The following SYPL1 variants were observed in gnomAD, a reference collection of about 807,000 sequenced individuals.
SYPL1 encodes synaptophysin like 1.
In SYPL1, 6 loss-of-function variants were observed where a neutral mutation model predicts 23.7. The observed-to-expected ratio is 0.25, with a 90% CI of 0.14 to 0.50. The LOEUF is 0.50. Among genes scored for constraint, SYPL1 ranks in the 20% least tolerant of loss-of-function variants. SYPL1 has a pLI of 0.98. For missense variants in SYPL1, 253 were observed against 288.9 expected (o/e 0.88, Z 0.90); for synonymous variants, 102 against 104.5 (o/e 0.98, Z 0.15).
rs760354395 is a variant in SYPL1 at position 106,106,551 on chromosome 7, C to CA, written c.69+5588dup. Reference sequence around the variant, plus strand: ...TGGGCGACAGAGTAAGACTCTGTCTCAAAAAAAAAAAAGACTCTGGAGGCT... The same window carrying CA: ...TGGGCGACAGAGTAAGACTCTGTCTCAAAAAAAAAAAAAGACTCTGGAGGCT... On this transcript the variant is annotated intron_variant, in intron 1 of 4. Coordinates refer to ENST00000455385, the MANE Select transcript of SYPL1 (RefSeq NM_182715.4). 7.5e-3 allele frequency among the ~76,000 whole-genome samples: 876 copies of CA among 117,412 alleles called. 4 individuals carry two copies. Among genetic ancestry groups the CA allele is most frequent in the Non-Finnish European group, 0.01 (577 of 55,574 alleles). The allele number at this position is 117,412 out of a possible 152,430, so 77.0% of individuals were successfully genotyped here.
chr7:106,097,712 T>C lies in SYPL1; in HGVS notation c.380A>G (p.Asp127Gly). The C allele has an allele frequency of 6.2e-7, 1 of 1,613,398 alleles. No individual in the cohort carries two copies. Among genetic ancestry groups the C allele is most frequent in the Non-Finnish European group, 8.5e-7 (1 of 1,179,550 alleles). The change falls in exon 3 of 5, where the codon GAT (aspartate) becomes GGT (glycine). Residue 127 changes from aspartate to glycine, a missense_variant. Physicochemically the swap from Asp to Gly is moderately conservative, Grantham distance 94. Transcript: ENST00000455385. This position sits in a 1 kb window ranked among gnomAD's most constrained non-coding sequence, Gnocchi z 4.6. The stretch of plus-strand genomic sequence containing the variant: ...TACTATCATAGGAAGTTTACGACTA[T>C]CCAGATACAGACTCGTGTAGCCAAC... ...LYVGYTSLYL[D>G]SRKLPMIDFV... is the part of the protein sequence containing the mutation.
At chr7:106,110,524 T>C (rs1053916007) in intron 1 of SYPL1, among the ~76,000 whole-genome samples, 2 of 152,238 alleles carry the variant, frequency 1.3e-5, no homozygotes, top group African/African-American at 2.4e-5. Flanking sequence ...TTTATTCATG[T>C]GGTATGCTAG....
Position 106,091,876 on chromosome 7 carries a change from T to C in SYPL1, c.655A>G (p.Ser219Gly). 1 of 1,613,822 alleles carries C rather than the reference T, an allele frequency of 6.2e-7. No individual in the cohort carries two copies. Among genetic ancestry groups the C allele is most frequent in the Admixed American group, 1.7e-5 (1 of 60,002 alleles). The change falls in exon 5 of 5, where the codon AGC (serine) becomes GGC (glycine). Residue 219 changes from serine (S) to glycine (G), a missense_variant. Coordinates refer to ENST00000455385, the MANE Select transcript of SYPL1 (RefSeq NM_182715.4). The surrounding 1 kb of genome is among the most constrained non-coding windows in gnomAD (Gnocchi z 5.0). The stretch of plus-strand genomic sequence containing the variant: ...GATGTATTTGATGGACTGTGTAGGC[T>C]GGTCTCCTTGTACACAAACCAAGCA... ...GNAWFVYKETSLHSPSNTSAP... is the reference protein window; with the variant it reads ...GNAWFVYKETGLHSPSNTSAP...
At chr7:106,105,137 C>T (rs974689631) in intron 1 of SYPL1, among the ~76,000 whole-genome samples, 3 of 152,116 alleles carry the variant, frequency 2.0e-5, no homozygotes, top group African/African-American at 7.2e-5. Context: ...CTTAACAGCC[C>T]TCAGGATGTG....
chr7:106,099,073 C>T (rs1372064019), intron 2 of SYPL1, 85 bp downstream of exon 2: 4 of 1,524,608 alleles, frequency 2.6e-6, no homozygotes, highest in Non-Finnish European at 3.5e-6. Context: ...TTCTACCCCC[C>T]ACAATCAATA....
intron 1 of SYPL1, among the ~76,000 whole-genome samples, chr7:106,099,671 G>A (rs983545505): frequency 7.9e-5 from 12 of 152,102 alleles, no homozygotes; most frequent in African/African-American, 2.7e-4. Flanking sequence ...TGGGATTACA[G>A]GTGTGAGTCA....
chr7:106,104,500 T>C lies in SYPL1; in HGVS notation c.70-5218A>G, dbSNP rs527641166. ...CAAGACTATCACTTCTACTGCTCCTTTGCCAGACTGTCATGTCTTTGCACC... is the reference window on the plus strand; with the variant it reads ...CAAGACTATCACTTCTACTGCTCCTCTGCCAGACTGTCATGTCTTTGCACC... On this transcript the variant is annotated intron_variant, in intron 1 of 4. Coordinates refer to ENST00000455385, the MANE Select transcript of SYPL1 (RefSeq NM_182715.4). The surrounding 1 kb of genome is among the most constrained non-coding windows in gnomAD (Gnocchi z 4.1). 6.6e-6 allele frequency among the ~76,000 whole-genome samples: 1 copy of C among 152,354 alleles called. No homozygotes were observed. Among genetic ancestry groups the C allele is most frequent in the Non-Finnish European group, 1.5e-5 (1 of 68,032 alleles).
intron 1 of SYPL1, among the ~76,000 whole-genome samples, chr7:106,108,013 G>A (rs1210119193): frequency 6.6e-6 from 1 of 151,914 alleles, no homozygotes; most frequent in Non-Finnish European, 1.5e-5. Context: ...TGGCCAGCAT[G>A]GTGAAACCCC....
chr7:106,102,299 T>C (rs1357607720), intron 1 of SYPL1, among the ~76,000 whole-genome samples: 1 of 152,202 alleles, frequency 6.6e-6, no homozygotes, highest in African/African-American at 2.4e-5. Flanking sequence ...TTTCACCATG[T>C]TGGTAAGGCC....
intron 2 of SYPL1, among the ~76,000 whole-genome samples, chr7:106,098,784 A>C (rs902053810): frequency 9.9e-5 from 15 of 152,240 alleles, no homozygotes; most frequent in African/African-American, 3.6e-4. Flanking sequence ...AAACACTGAG[A>C]ATCTGGATTT....
rs955152163 is a variant in SYPL1, at chr7:106,107,415, T to C, written c.69+4725A>G. On this transcript the variant is annotated intron_variant, in intron 1 of 4. Coordinates refer to ENST00000455385, the MANE Select transcript of SYPL1 (RefSeq NM_182715.4). ...ATGTACAATAGTAGAAAATTCTAAA[T>C]AGCCTGCCAAGATAATTCCATAATC... 2.0e-5 allele frequency among the ~76,000 whole-genome samples: 3 copies of C among 152,200 alleles called. No individual in the cohort carries two copies. The South Asian group carries it at 6.2e-4, about 31-fold the overall frequency.
intron 1 of SYPL1, 59 bp from the exon 2 acceptor site, chr7:106,099,341 A>G (rs975219495): frequency 1.1e-5 from 17 of 1,547,668 alleles, no homozygotes; most frequent in East Asian, 2.3e-5. Flanking sequence ...TACTACAACC[A>G]AAACAAGGGT....
At chr7:106,093,803 A>G (rs1182974428) in intron 3 of SYPL1, among the ~76,000 whole-genome samples, 1 of 138,080 alleles carries the variant, frequency 7.2e-6, no homozygotes, top group Non-Finnish European at 1.6e-5. Flanking sequence ...TATCTCTTTT[A>G]AATTTCCTAA....
In SYPL1 at chr7:106,112,164, G is replaced by C; in HGVS notation, c.45C>G (p.Leu15=). 1 of 1,543,866 alleles carries C rather than the reference G, an allele frequency of 6.5e-7. No homozygotes were observed. The highest frequency in any genetic ancestry group is 1.8e-4 in the Middle Eastern group (1 of 5,446). ...QINLNPLKEP[L]GFIKVLEWIA... is the part of the protein sequence containing the mutation. ...CCCACTCGAGGACCTTGATGAAGCCGAGTGGCTCCTTGAGCGGGTTGAGGT... is the reference window on the plus strand; with the variant it reads ...CCCACTCGAGGACCTTGATGAAGCCCAGTGGCTCCTTGAGCGGGTTGAGGT... Residue 15 remains leucine, a synonymous_variant, in exon 1 of 5, where the codon CTC becomes CTG. Transcript: ENST00000455385.
At chr7:106,098,341 T>C (rs1204208599) in intron 2 of SYPL1, among the ~76,000 whole-genome samples, 1 of 152,152 alleles carries the variant, frequency 6.6e-6, no homozygotes, top group Non-Finnish European at 1.5e-5. Context: ...TTCCCAACCA[T>C]AAATTGTAAA....
Position 106,091,889 on chromosome 7 carries a change from C to T in SYPL1, c.642G>A (p.Val214=), listed in dbSNP as rs374055444. 42 of 1,613,560 alleles carry T rather than the reference C, an allele frequency of 2.6e-5. No homozygotes were observed. The highest frequency in any genetic ancestry group is 3.6e-5 in the Non-Finnish European group (42 of 1,179,818). The change falls in exon 5 of 5, where the codon GTG becomes GTA. Residue 214 remains valine, a synonymous_variant. Transcript: ENST00000455385. This position sits in a 1 kb window ranked among gnomAD's most constrained non-coding sequence, Gnocchi z 5.0. ...GACTGTGTAGGCTGGTCTCCTTGTACACAAACCAAGCATTTCCTCCCCAGA... is the reference window on the plus strand; with the variant it reads ...GACTGTGTAGGCTGGTCTCCTTGTATACAAACCAAGCATTTCCTCCCCAGA... The part of the protein sequence containing the change: ...MILWGGNAWF[V]YKETSLHSPS...
rs1038730841 is a variant in SYPL1, at chr7:106,104,586, A to G, written c.70-5304T>C. On this transcript the variant is annotated intron_variant, in intron 1 of 4. Coordinates refer to ENST00000455385, the MANE Select transcript of SYPL1 (RefSeq NM_182715.4). This position sits in a 1 kb window ranked among gnomAD's most constrained non-coding sequence, Gnocchi z 4.1. The stretch of plus-strand genomic sequence containing the variant: ...ACCTGGCACATAGCAGATGCTCACT[A>G]AATAACTACTTAATTAAGGAAAAAA... 6.6e-6 allele frequency among the ~76,000 whole-genome samples: 1 copy of G among 152,226 alleles called. No individual in the cohort carries two copies.
rs1840053648 is a variant in SYPL1 at position 106,097,125 on chromosome 7, C to T, written c.402+565G>A. Among the ~76,000 whole-genome samples, 1 of 152,148 alleles carries T rather than the reference C, an allele frequency of 6.6e-6. No homozygotes were observed. Among genetic ancestry groups the T allele is most frequent in the East Asian group, 1.9e-4 (1 of 5,196 alleles). ...CAGCTACTCAGGAGGATCATTTGAG[C>T]CCAGGAGGTTGAGGCTGCAGCAAGC... is the stretch of plus-strand genomic sequence containing the variant. On this transcript the variant is annotated intron_variant, in intron 3 of 4. Transcript: ENST00000455385. This position sits in a 1 kb window ranked among gnomAD's most constrained non-coding sequence, Gnocchi z 4.6.
rs1172936637 is a variant in SYPL1, at chr7:106,090,618, C to T, written c.*1187G>A. The T allele has an allele frequency of 6.6e-6, 1 of 152,610 alleles. No homozygotes were observed. The highest frequency in any genetic ancestry group is 1.5e-5 in the Non-Finnish European group (1 of 68,032). 9.5% of individuals were successfully genotyped at this position (152,610 alleles called of 1,614,324 possible). A position where few individuals can be genotyped will look rare whatever the true frequency, so the allele number is the denominator to read the frequency against. On this transcript the variant is annotated 3_prime_UTR_variant, in exon 5 of 5. Coordinates refer to ENST00000455385, the MANE Select transcript of SYPL1 (RefSeq NM_182715.4). ...TAAGGCAACAGCAAGATGTGCTTCA[C>T]ATATAAACAATCATGTTGTAAGAAT...
Sources: allele counts gnomAD v4.1 joint callset (sites outside exome capture counted in the v4.1 genomes callset), GRCh38; gene constraint gnomAD v4.1.1; non-coding constraint Gnocchi (gnomAD v3.1); transcripts MANE v1.5; gene names NCBI Gene and HGNC (gene_info 2026-07-23, HGNC 2026-07-21).